Variants in SLC22A24 observed in about 807,000 individuals in gnomAD.
SLC22A24 encodes solute carrier family 22 member 24, also known as steroid transmembrane transporter SLC22A24.
Under a neutral mutation model 49.8 loss-of-function variants are expected in SLC22A24, and 53 were observed. The observed-to-expected ratio is 1.06, with a 90% CI of 0.85 to 1.34. The LOEUF (loss-of-function observed/expected upper bound fraction) is 1.34, where lower values mean the gene tolerates loss of function less well. SLC22A24 is among the 40% of genes most tolerant of loss of function. The pLI, the probability that SLC22A24 is intolerant of heterozygous loss-of-function variation, is 0.00. For synonymous variants in SLC22A24, 302 were observed against 256.4 expected (o/e 1.18, Z -1.70); for missense variants, 786 against 675.9 (o/e 1.16, Z -1.81).
chr11:63,102,324 TAA>T (rs1359077377), intron 5 of SLC22A24, among the ~76,000 whole-genome samples: 2 of 151,990 alleles, frequency 1.3e-5, no homozygotes, highest in African/African-American at 4.8e-5. Flanking sequence ...CCCAGAAAGA[TAA>T]AAGAGTCAGT....
At chr11:63,130,821 G>A (rs775924986) in intron 2 of SLC22A24, among the ~76,000 whole-genome samples, 1 of 151,652 alleles carries the variant, frequency 6.6e-6, no homozygotes, top group Non-Finnish European at 1.5e-5. Context: ...AGTGGTGCTG[G>A]ATATCCTTGT....
At chr11:63,105,661 T>C (rs1351821694) in intron 4 of SLC22A24, among the ~76,000 whole-genome samples, 2 of 152,102 alleles carry the variant, frequency 1.3e-5, no homozygotes, top group Non-Finnish European at 2.9e-5. Flanking sequence ...AGGGGTCCCT[T>C]GGTTTAGCCC....
chr11:63,095,429 G>T (rs925589510), intron 6 of SLC22A24, among the ~76,000 whole-genome samples: 1 of 152,122 alleles, frequency 6.6e-6, no homozygotes, highest in Non-Finnish European at 1.5e-5. Context: ...AAGACAAAAT[G>T]AATAAATTTC....
At chr11:63,124,037 A>T (rs557872855) in intron 2 of SLC22A24, among the ~76,000 whole-genome samples, 1 of 152,258 alleles carries the variant, frequency 6.6e-6, no homozygotes, top group South Asian at 2.1e-4. Flanking sequence ...GAGGGGGTGA[A>T]ATTTAAATTT....
In SLC22A24 at chr11:63,096,018, A is replaced by G; in HGVS notation, c.1043T>C (p.Met348Thr). Reference sequence around the variant, plus strand: ...CACAAAGCACAGGCCGAAGACTCTCATTCGCAATTTGGGTGCACGGAACAG... The same window carrying G: ...CACAAAGCACAGGCCGAAGACTCTCGTTCGCAATTTGGGTGCACGGAACAG... ...FSLFRAPKLR[M>T]RVFGLCFVRF... The change falls in exon 6 of 10, where the codon ATG (methionine) becomes ACG (threonine). Residue 348 changes from methionine to threonine, a missense_variant. Coordinates refer to ENST00000612278, the MANE Select transcript of SLC22A24 (RefSeq NM_001136506.2). 5.2e-6 allele frequency: 8 copies of G among 1,550,134 alleles called. No individual in the cohort carries two copies. The highest frequency in any genetic ancestry group is 7.0e-6 in the Non-Finnish European group (8 of 1,145,702).
intron 5 of SLC22A24, among the ~76,000 whole-genome samples, chr11:63,101,178 A>T (rs2087088388): frequency 6.6e-6 from 1 of 152,130 alleles, no homozygotes; most frequent in South Asian, 2.1e-4. Flanking sequence ...ACCAGAATAT[A>T]TAAGGAGCTC....
At chr11:63,110,375 T>C (rs2087154200) in intron 4 of SLC22A24, among the ~76,000 whole-genome samples, 1 of 152,168 alleles carries the variant, frequency 6.6e-6, no homozygotes, top group Admixed American at 6.5e-5. Flanking sequence ...TTTTTTCCAA[T>C]TGTGTGAAGA....
intron 4 of SLC22A24, among the ~76,000 whole-genome samples, chr11:63,112,060 C>T (rs908785907): frequency 1.3e-5 from 2 of 151,900 alleles, no homozygotes; most frequent in Non-Finnish European, 2.9e-5. Context: ...TCTTTGGTCT[C>T]GTTGGTTTCA....
At chr11:63,085,083 A>C (rs1032400422) in intron 6 of SLC22A24, among the ~76,000 whole-genome samples, 2 of 152,114 alleles carry the variant, frequency 1.3e-5, no homozygotes, top group South Asian at 2.1e-4. Context: ...TTCTGTTTTC[A>C]TGATTAGGCC....
intron 4 of SLC22A24, among the ~76,000 whole-genome samples, chr11:63,111,125 G>C (rs1240251359): frequency 1.6e-4 from 24 of 152,104 alleles, no homozygotes; most frequent in Non-Finnish European, 4.4e-5. Context: ...TTTTGTCTTT[G>C]GTTCTTTTTA....
intron 5 of SLC22A24, among the ~76,000 whole-genome samples, chr11:63,097,381 T>C (rs1003545716): frequency 1.3e-5 from 2 of 152,140 alleles, no homozygotes; most frequent in African/African-American, 2.4e-5. Context: ...TAAGTTACCA[T>C]CTCATGCCAG....
chr11:63,108,553 T>A (rs576391985), intron 4 of SLC22A24, among the ~76,000 whole-genome samples: 1 of 152,318 alleles, frequency 6.6e-6, no homozygotes, highest in South Asian at 2.1e-4. Context: ...TGTGAACTTG[T>A]CTGCTTCTGG....
chr11:63,136,128 C>T lies in SLC22A24; in HGVS notation c.403-1360G>A, dbSNP rs117386501. On this transcript the variant is annotated intron_variant, in intron 1 of 9. Coordinates refer to ENST00000612278, the MANE Select transcript of SLC22A24 (RefSeq NM_001136506.2). The stretch of plus-strand genomic sequence containing the variant: ...TTATTCTACACAACAACAAACCATT[C>T]CTCAATCAGATTGTAATGTGTGATG... Among the ~76,000 whole-genome samples the T allele has an allele frequency of 5.0e-3, 767 of 152,294 alleles. 3 individuals are homozygous for T. Among genetic ancestry groups the T allele is most frequent in the Non-Finnish European group, 7.9e-3 (537 of 68,024 alleles).
chr11:63,127,800 C>T (rs775475540), intron 2 of SLC22A24, among the ~76,000 whole-genome samples: 1 of 151,924 alleles, frequency 6.6e-6, no homozygotes, highest in Non-Finnish European at 1.5e-5. Context: ...TTGTTCATAT[C>T]CTTTGCCCAC....
intron 4 of SLC22A24, among the ~76,000 whole-genome samples, chr11:63,116,943 A>G (rs1160745133): frequency 6.7e-6 from 1 of 148,428 alleles, no homozygotes; most frequent in Non-Finnish European, 1.5e-5. Context: ...TCCATCTTCA[A>G]TGATGTTTTC....
chr11:63,111,238 G>A (rs2134658657), intron 4 of SLC22A24, among the ~76,000 whole-genome samples: 1 of 151,816 alleles, frequency 6.6e-6, no homozygotes, highest in South Asian at 2.1e-4. Flanking sequence ...ATGTGCTGCT[G>A]GATTCGGTTT....
At chr11:63,098,256 A>G (rs2087067884) in intron 5 of SLC22A24, among the ~76,000 whole-genome samples, 1 of 152,168 alleles carries the variant, frequency 6.6e-6, no homozygotes, top group South Asian at 2.1e-4. Context: ...GACAGAAATT[A>G]AAACTATCTT....
chr11:63,085,714 C>T (rs530569663), intron 6 of SLC22A24, among the ~76,000 whole-genome samples: 26 of 152,282 alleles, frequency 1.7e-4, no homozygotes, highest in African/African-American at 4.6e-4. Flanking sequence ...CCAGTGCCTT[C>T]GCACATTTTA....
intron 1 of SLC22A24, among the ~76,000 whole-genome samples, chr11:63,138,540 G>A (rs1375310404): frequency 6.6e-6 from 1 of 151,228 alleles, no homozygotes. Flanking sequence ...TACTCGGGAG[G>A]CTGAGGCAGG....
Sources: gnomAD v4.1 joint callset for allele counts (sites outside exome capture counted in the v4.1 genomes callset) on GRCh38, gnomAD v4.1.1 for gene constraint, MANE v1.5 for transcripts, NCBI Gene and HGNC (gene_info 2026-07-23, HGNC 2026-07-21) for gene names.